The following PRSS23 variants were observed in gnomAD, a reference collection of about 807,000 sequenced individuals.
PRSS23 encodes the protein protease, serine 23.
PRSS23 carries 25 observed loss-of-function variants against 34.7 expected under a neutral mutation model. The ratio of observed to expected loss-of-function variants is 0.72; its 90% CI spans 0.53 to 1.01. The LOEUF (loss-of-function observed/expected upper bound fraction) is 1.01. Ranked by LOEUF, PRSS23 falls within the 50% of genes least tolerant of loss-of-function variation. PRSS23 has a pLI of 0.00. For missense variants in PRSS23, 445 were observed against 475.6 expected (o/e 0.94, Z 0.60); for synonymous variants, 176 against 186.6 (o/e 0.94, Z 0.46).
intron 2 of PRSS23, chr11:86,892,256 T>G (rs1047049812): frequency 6.6e-6 from 1 of 152,248 alleles, no homozygotes; most frequent in East Asian, 1.9e-4. Flanking sequence ...ATTCCTCCTC[T>G]GGGACACTTG....
chr11:86,827,553 T>C (rs1948312546), intron 2 of PRSS23, among the ~76,000 whole-genome samples: 1 of 152,152 alleles, frequency 6.6e-6, no homozygotes. Context: ...ATGTGTTTGC[T>C]CTTCCTTTTC....
intron 2 of PRSS23, among the ~76,000 whole-genome samples, chr11:86,884,301 T>C (rs1324767577): frequency 6.6e-6 from 1 of 152,186 alleles, no homozygotes; most frequent in African/African-American, 2.4e-5. Context: ...ATATTTGTTT[T>C]TGTTTTGTTT....
At chr11:86,917,092 G>T (rs979434822) in intron 2 of PRSS23, among the ~76,000 whole-genome samples, 1 of 152,208 alleles carries the variant, frequency 6.6e-6, no homozygotes, top group Non-Finnish European at 1.5e-5. Flanking sequence ...GGCCAAGGCG[G>T]GCAGATCACG....
At chr11:86,951,238 C>G (rs1315730581) in exon 3 of PRSS23, 13 of 1,614,170 alleles carry the variant, frequency 8.1e-6, no homozygotes, top group Non-Finnish European at 1.1e-5. Flanking sequence ...TGTTGGAACA[C>G]TTCTGCCACG....
At chr11:86,798,536 G>C (rs1947997204), upstream of PRSS23, among the ~76,000 whole-genome samples, 1 of 152,204 alleles carries the variant, frequency 6.6e-6, no homozygotes, top group Non-Finnish European at 1.5e-5. Flanking sequence ...GAAGTCAAAG[G>C]TACTGACGCC....
rs118009136 is a variant in PRSS23 at position 86,918,214 on chromosome 11, A to T, written c.207-33002A>T. Among the ~76,000 whole-genome samples the T allele has an allele frequency of 8.2e-3, 1,244 of 152,306 alleles. 7 individuals carry two copies. Among genetic ancestry groups the T allele is most frequent in the Non-Finnish European group, 0.014 (947 of 68,032 alleles). On this transcript the variant is annotated intron_variant, in intron 2 of 2. Transcript: ENST00000533902. ...ATTGTGTCAGTATATACAGAAATGAATGTAAATGCAGAGATGAAGCTTGGG... is the reference window on the plus strand; with the variant it reads ...ATTGTGTCAGTATATACAGAAATGATTGTAAATGCAGAGATGAAGCTTGGG...
At position 86,833,976 on chromosome 11, in the gene PRSS23, G is replaced by T. The variant is rs535723802; in HGVS notation, c.206+10383G>T. ...CATCAGAGCATGTGCTAGCAGGCCG[G>T]TCCAGGGGTCCATGGTAGATCTTAG... On this transcript the variant is annotated intron_variant, in intron 2 of 2. Coordinates refer to the PRSS23 transcript ENST00000533902. 5.9e-5 allele frequency among the ~76,000 whole-genome samples: 9 copies of T among 152,324 alleles called. No homozygotes were observed. In the East Asian group the frequency reaches 1.3e-3, roughly 23 times the overall value.
chr11:86,808,883 CGTGT>C lies in PRSS23; in HGVS notation c.*111_*114del, dbSNP rs35433370. The C allele has an allele frequency of 0.056, 49,301 of 881,092 alleles. 1,021 individuals carry two copies. The highest frequency in any genetic ancestry group is 0.1 in the Middle Eastern group (440 of 4,220). 54.6% of individuals were successfully genotyped at this position (881,092 alleles called of 1,614,324 possible). On this transcript the variant is annotated 3_prime_UTR_variant, in exon 2 of 2. Transcript: ENST00000280258. Reference sequence around the variant, plus strand: ...TTGTTTTTTGTCATTGGCGTGCACACGTGTGTGTGTGTGTGTGTGTGTGTGTAAG... The same window carrying C: ...TTGTTTTTTGTCATTGGCGTGCACACGTGTGTGTGTGTGTGTGTGTGTAAG...
chr11:86,876,731 A>AT lies in PRSS23; in HGVS notation c.206+53139dup, dbSNP rs552202042. ...GATCTATATAACAGTTAACATTGCA[A>AT]TAAAAAAAAAAACGAAGCAATTTGA... is the stretch of plus-strand genomic sequence containing the variant. On this transcript the variant is annotated intron_variant, in intron 2 of 2. Transcript: ENST00000533902. Among the ~76,000 whole-genome samples the AT allele has an allele frequency of 5.3e-3, 413 of 78,550 alleles. 3 individuals carry two copies. The highest frequency in any genetic ancestry group is 0.011 in the Admixed American group (86 of 7,910). 51.5% of individuals were successfully genotyped at this position (78,550 alleles called of 152,430 possible). A position where few individuals can be genotyped will look rare whatever the true frequency, so the allele number is the denominator to read the frequency against.
intron 2 of PRSS23, among the ~76,000 whole-genome samples, chr11:86,828,137 T>G (rs1021450450): frequency 8.6e-5 from 13 of 151,152 alleles, no homozygotes; most frequent in African/African-American, 1.5e-4. Context: ...CTAAGTCTCT[T>G]TGTAGGTCAC....
intron 2 of PRSS23, chr11:86,948,803 CATT>C (rs1949265383): frequency 6.6e-6 from 1 of 152,512 alleles, no homozygotes; most frequent in East Asian, 1.9e-4. Context: ...ATCACTGACA[CATT>C]ATGAAGAAAA....
At chr11:86,849,909 A>G (rs1411344995) in intron 2 of PRSS23, among the ~76,000 whole-genome samples, 1 of 152,174 alleles carries the variant, frequency 6.6e-6, no homozygotes, top group African/African-American at 2.4e-5. Context: ...AGAGCCCTAG[A>G]CATAGTAACA....
chr11:86,830,507 G>T (rs1348583215), intron 2 of PRSS23, among the ~76,000 whole-genome samples: 1 of 152,134 alleles, frequency 6.6e-6, no homozygotes, highest in Non-Finnish European at 1.5e-5. Flanking sequence ...ACTGACCTGT[G>T]CCCACTGTCT....
At chr11:86,944,643 G>A (rs1949228699) in intron 2 of PRSS23, among the ~76,000 whole-genome samples, 1 of 152,158 alleles carries the variant, frequency 6.6e-6, no homozygotes, top group South Asian at 2.1e-4. Flanking sequence ...GTAAATGGAA[G>A]TATTTTCTAT....
Position 86,808,583 on chromosome 11 carries a change from G to A in PRSS23, c.940G>A (p.Gly314Arg). The A allele has an allele frequency of 6.2e-7, 1 of 1,614,236 alleles. No individual in the cohort carries two copies. Among genetic ancestry groups the A allele is most frequent in the Non-Finnish European group, 8.5e-7 (1 of 1,180,050 alleles). Residue 314 changes from glycine (G) to arginine (R), a missense_variant, in exon 2 of 2, where the codon GGG becomes AGG. Gly to Arg is a moderately radical substitution (Grantham distance 125). Coordinates refer to ENST00000280258, the MANE Select transcript of PRSS23 (RefSeq NM_007173.6). ...CTACCAGCAATGCGATGCCCAGCCA[G>A]GGGCCAGCGGGTCTGGGGTCTATGT... ...LLYQQCDAQPGASGSGVYVRM... is the reference protein window; with the variant it reads ...LLYQQCDAQPRASGSGVYVRM...
At chr11:86,856,747 C>T (rs930251865) in intron 2 of PRSS23, among the ~76,000 whole-genome samples, 5 of 152,132 alleles carry the variant, frequency 3.3e-5, no homozygotes, top group African/African-American at 1.2e-4. Context: ...TACAAAATTA[C>T]AAAATGAATT....
At chr11:86,873,658 C>T (rs80199022) in intron 2 of PRSS23, among the ~76,000 whole-genome samples, 5,762 of 152,246 alleles carry the variant, frequency 0.038, 138 homozygotes, top group Middle Eastern at 0.12. Flanking sequence ...CAAGGCCACT[C>T]AGAGCCTTTC....
intron 2 of PRSS23, among the ~76,000 whole-genome samples, chr11:86,918,058 A>G (rs1949025101): frequency 6.6e-6 from 1 of 152,258 alleles, no homozygotes; most frequent in African/African-American, 2.4e-5. Flanking sequence ...TTTCATTTTT[A>G]GTAATGAGGC....
chr11:86,917,632 T>A (rs1470985873), intron 2 of PRSS23, among the ~76,000 whole-genome samples: 1 of 152,220 alleles, frequency 6.6e-6, no homozygotes, highest in Non-Finnish European at 1.5e-5. Context: ...ATTCTAATGC[T>A]TAAAATCGGA....
Sources: gnomAD v4.1 joint callset for allele counts (sites outside exome capture counted in the v4.1 genomes callset) on GRCh38, gnomAD v4.1.1 for gene constraint, MANE v1.5 for transcripts, NCBI Gene and HGNC (gene_info 2026-07-23, HGNC 2026-07-21) for gene names.